Variants in TMEM117 observed in about 807,000 individuals in gnomAD.
TMEM117 encodes transmembrane protein 117.
In TMEM117, 27 loss-of-function variants were observed where a neutral mutation model predicts 52.4. That is an observed-to-expected ratio of 0.51 (90% CI 0.38 to 0.71). The LOEUF is 0.71. Among genes scored for constraint, TMEM117 ranks in the 30% least tolerant of loss-of-function variants. TMEM117 has a pLI of 0.00. For missense variants in TMEM117, 556 were observed against 630.5 expected, an observed-to-expected ratio of 0.88 and a Z score of 1.26; for synonymous variants, 215 against 206.3, an observed-to-expected ratio of 1.04 and a Z score of -0.36.
intron 7 of TMEM117, among the ~76,000 whole-genome samples, chr12:44,386,450 A>G (rs1952089348): frequency 6.6e-6 from 1 of 152,134 alleles, no homozygotes; most frequent in Admixed American, 6.5e-5. Context: ...TTTCATTTCA[A>G]ATATTATAAA....
At chr12:43,884,231 A>G (rs1416015080) in intron 2 of TMEM117, among the ~76,000 whole-genome samples, 1 of 151,886 alleles carries the variant, frequency 6.6e-6, no homozygotes, top group African/African-American at 2.4e-5. Flanking sequence ...TGAAATGACT[A>G]TTTTACTTGT....
At chr12:44,348,975 G>A (rs1834385266) in intron 6 of TMEM117, among the ~76,000 whole-genome samples, 1 of 151,960 alleles carries the variant, frequency 6.6e-6, no homozygotes, top group African/African-American at 2.4e-5. Context: ...CAGGCTTGAA[G>A]TTCTACACCA....
chr12:44,285,747 A>G (rs756572299), intron 5 of TMEM117, among the ~76,000 whole-genome samples: 1 of 152,224 alleles, frequency 6.6e-6, no homozygotes, highest in Non-Finnish European at 1.5e-5. Flanking sequence ...TGATCATTAA[A>G]ACAAGGAAAA....
intron 3 of TMEM117, among the ~76,000 whole-genome samples, chr12:44,127,410 C>T (rs1031391226): frequency 3.3e-5 from 5 of 151,754 alleles, no homozygotes; most frequent in Admixed American, 6.6e-5. Context: ...GTCACGGTGG[C>T]GCGTGCCTGT....
chr12:44,224,853 C>G (rs561163733), intron 5 of TMEM117, among the ~76,000 whole-genome samples: 11 of 152,186 alleles, frequency 7.2e-5, no homozygotes, highest in African/African-American at 2.6e-4. Flanking sequence ...TTGCTCTCCC[C>G]AAGCCCATTC....
intron 3 of TMEM117, among the ~76,000 whole-genome samples, chr12:44,017,595 G>C (rs1398552706): frequency 6.6e-6 from 1 of 151,978 alleles, no homozygotes; most frequent in Non-Finnish European, 1.5e-5. Flanking sequence ...TTCTAAGTAT[G>C]CACTTGATAA....
intron 2 of TMEM117, among the ~76,000 whole-genome samples, chr12:43,879,065 C>T (rs538791443): frequency 1.1e-4 from 17 of 152,128 alleles, no homozygotes; most frequent in Admixed American, 3.3e-4. Flanking sequence ...GATCTGAAAA[C>T]CCTGTATGTT....
At chr12:44,307,142 A>G (rs969554849) in intron 6 of TMEM117, among the ~76,000 whole-genome samples, 5 of 152,232 alleles carry the variant, frequency 3.3e-5, no homozygotes, top group Non-Finnish European at 5.9e-5. Context: ...TGACGTTAGT[A>G]GAGCATTTCT....
chr12:44,179,657 C>T (rs147764048), intron 4 of TMEM117, among the ~76,000 whole-genome samples: 1,748 of 152,350 alleles, frequency 0.011, 22 homozygotes, highest in South Asian at 0.052. Context: ...TCCTAGAACA[C>T]TGACTCAAAA....
At chr12:43,913,488 G>T (rs1210984526) in intron 2 of TMEM117, among the ~76,000 whole-genome samples, 1 of 152,102 alleles carries the variant, frequency 6.6e-6, no homozygotes, top group African/African-American at 2.4e-5. Flanking sequence ...GAAGGAAAGG[G>T]AACTAACAGA....
intron 2 of TMEM117, among the ~76,000 whole-genome samples, chr12:43,865,470 G>A (rs966466926): frequency 6.6e-6 from 1 of 152,126 alleles, no homozygotes; most frequent in African/African-American, 2.4e-5. Context: ...GCCAAGGTGG[G>A]TGGATCACTT....
At chr12:44,172,604 TG>T (rs1949062264) in intron 4 of TMEM117, among the ~76,000 whole-genome samples, 1 of 152,240 alleles carries the variant, frequency 6.6e-6, no homozygotes, top group East Asian at 1.9e-4. Context: ...TCACATTCTC[TG>T]GGGGCTAGGA....
chr12:44,285,317 G>A (rs1366530107), intron 5 of TMEM117, among the ~76,000 whole-genome samples: 1 of 152,168 alleles, frequency 6.6e-6, no homozygotes, highest in East Asian at 1.9e-4. Flanking sequence ...ACGTAAATGT[G>A]TACTTTAATG....
At chr12:43,880,394 C>CTT (rs149446194) in intron 2 of TMEM117, among the ~76,000 whole-genome samples, 2 of 148,686 alleles carry the variant, frequency 1.3e-5, no homozygotes, top group African/African-American at 2.5e-5. Context: ...ATTTTTATTC[C>CTT]TTTTTTTTTT....
intron 6 of TMEM117, among the ~76,000 whole-genome samples, chr12:44,340,979 T>C (rs904991331): frequency 4.6e-5 from 7 of 152,034 alleles, no homozygotes; most frequent in Admixed American, 4.6e-4. Context: ...CTTCATTGTC[T>C]ATCATTCCAT....
At chr12:43,926,043 G>A (rs1202635656) in intron 2 of TMEM117, among the ~76,000 whole-genome samples, 1 of 152,082 alleles carries the variant, frequency 6.6e-6, no homozygotes, top group East Asian at 1.9e-4. Flanking sequence ...TAATGTTTGA[G>A]GTTAATCTGT....
chr12:44,079,578 A>G (rs1378797567), intron 3 of TMEM117, among the ~76,000 whole-genome samples: 1 of 152,004 alleles, frequency 6.6e-6, no homozygotes, highest in Non-Finnish European at 1.5e-5. Flanking sequence ...TTTTCTTGTA[A>G]ATTTAAGTTA....
At chr12:44,328,660 A>G (rs1283493700) in intron 6 of TMEM117, among the ~76,000 whole-genome samples, 3 of 152,068 alleles carry the variant, frequency 2.0e-5, no homozygotes, top group Non-Finnish European at 1.5e-5. Context: ...AAAATTTTTC[A>G]AATCTTTATC....
chr12:44,033,127 G>T (rs1467209559), intron 3 of TMEM117, among the ~76,000 whole-genome samples: 1 of 152,164 alleles, frequency 6.6e-6, no homozygotes, highest in Admixed American at 6.5e-5. Flanking sequence ...AGATGGTGAC[G>T]AGAGTGACCC....
Sources: gnomAD v4.1 joint callset for allele counts (sites outside exome capture counted in the v4.1 genomes callset) on GRCh38, gnomAD v4.1.1 for gene constraint, MANE v1.5 for transcripts, NCBI Gene and HGNC (gene_info 2026-07-23, HGNC 2026-07-21) for gene names.